WDR59: variants seen among roughly 807,000 people sequenced by gnomAD.
WDR59 encodes the protein GATOR2 complex protein WDR59.
WDR59 carries 100 observed loss-of-function variants against 131.2 expected under a neutral mutation model. The observed-to-expected ratio is 0.76, with a 90% CI of 0.65 to 0.90. The LOEUF is 0.90. Ranked by LOEUF, WDR59 falls within the 40% of genes least tolerant of loss-of-function variation. WDR59 has a pLI of 0.00. For missense variants in WDR59, 1,203 were observed against 1,262.2 expected (o/e 0.95, Z 0.71); for synonymous variants, 601 against 466.2 (o/e 1.29, Z -3.72).
rs982654677 is a variant in WDR59, at chr16:74,885,895, G to A, written c.2547-100C>T. On this transcript the variant is annotated intron_variant, in intron 24 of 25. Transcript: ENST00000262144. ...TACCCTTCTTAAAGCAACAGTCCTGGCCAGGCACGGTGGCTAACACCTGTC... is the reference window on the plus strand; with the variant it reads ...TACCCTTCTTAAAGCAACAGTCCTGACCAGGCACGGTGGCTAACACCTGTC... The A allele has an allele frequency of 2.1e-6, 3 of 1,423,886 alleles. No homozygotes were observed. The African/African-American group carries it at 4.3e-5, about 20-fold the overall frequency. 88.2% of individuals were successfully genotyped at this position (1,423,886 alleles called of 1,614,324 possible). A position where few individuals can be genotyped will look rare whatever the true frequency, so the allele number is the denominator to read the frequency against.
chr16:74,948,989 ACT>A (rs2032823399), intron 5 of WDR59, among the ~76,000 whole-genome samples: 1 of 151,942 alleles, frequency 6.6e-6, no homozygotes, highest in Non-Finnish European at 1.5e-5. Flanking sequence ...CAAGAGCAAA[ACT>A]CTGTCTCAGA....
At chr16:74,913,256 C>A (rs1450328206) in intron 13 of WDR59, among the ~76,000 whole-genome samples, 1 of 151,006 alleles carries the variant, frequency 6.6e-6, no homozygotes, top group Non-Finnish European at 1.5e-5. Flanking sequence ...CTGTTCCCAA[C>A]ACAAAGTATT....
chr16:74,883,322 C>T (rs1319210956), intron 25 of WDR59, among the ~76,000 whole-genome samples: 2 of 152,094 alleles, frequency 1.3e-5, no homozygotes, highest in Non-Finnish European at 2.9e-5. Flanking sequence ...CGTACCCGGC[C>T]ACACCCCGGT....
At chr16:74,958,592 CAAAAAAAAAAAAA>C (rs747175030) in intron 2 of WDR59, among the ~76,000 whole-genome samples, 18 of 13,242 alleles carry the variant, frequency 1.4e-3, no homozygotes, top group South Asian at 5.4e-3. Flanking sequence ...GACTCCATCT[CAAAAAAAAAAAAA>C]AAAAAAAAAA....
intron 18 of WDR59, among the ~76,000 whole-genome samples, chr16:74,903,343 A>T (rs183680600): frequency 1.3e-5 from 2 of 152,144 alleles, no homozygotes; most frequent in African/African-American, 4.8e-5. Context: ...CTTTCTCTAC[A>T]TGGTTGGCAC....
chr16:74,942,944 G>T (rs1197594888), intron 6 of WDR59, 118 bp from the exon 7 acceptor site: 9 of 844,784 alleles, frequency 1.1e-5, no homozygotes, highest in Non-Finnish European at 1.7e-5. Context: ...AACCCTTCAA[G>T]TTTCTGTGAC....
At chr16:74,953,274 C>T (rs2033105762) in intron 3 of WDR59, among the ~76,000 whole-genome samples, 1 of 151,940 alleles carries the variant, frequency 6.6e-6, no homozygotes, top group Non-Finnish European at 1.5e-5. Context: ...GAGTTAGAGA[C>T]CAGCCTGGCC....
At chr16:74,980,934 C>T (rs1052774336) in intron 1 of WDR59, among the ~76,000 whole-genome samples, 1 of 151,504 alleles carries the variant, frequency 6.6e-6, no homozygotes, top group African/African-American at 2.4e-5. Flanking sequence ...CACTGCACTC[C>T]AGCCTGGGCA....
intron 3 of WDR59, among the ~76,000 whole-genome samples, chr16:74,955,344 G>A (rs754455321): frequency 3.0e-4 from 46 of 152,044 alleles, no homozygotes; most frequent in Admixed American, 1.9e-3. Flanking sequence ...TTCCTGCAAC[G>A]CACAGGACAG....
At chr16:74,907,122 A>T (rs1009236601) in intron 17 of WDR59, among the ~76,000 whole-genome samples, 2 of 142,764 alleles carry the variant, frequency 1.4e-5, no homozygotes, top group African/African-American at 5.0e-5. Context: ...CCCAGTTCCC[A>T]TGGGGCCCAG....
At chr16:74,925,812 T>A (rs2030731944) in intron 8 of WDR59, among the ~76,000 whole-genome samples, 1 of 151,690 alleles carries the variant, frequency 6.6e-6, no homozygotes, top group Non-Finnish European at 1.5e-5. Context: ...GTGGATCACT[T>A]GAGGCCAGGA....
intron 6 of WDR59, among the ~76,000 whole-genome samples, chr16:74,945,813 A>G (rs1346556985): frequency 6.8e-6 from 1 of 147,926 alleles, no homozygotes; most frequent in East Asian, 2.0e-4. Flanking sequence ...ACATTCACAT[A>G]ACTTTTTTTT....
intron 18 of WDR59, among the ~76,000 whole-genome samples, chr16:74,897,460 T>C (rs1251133609): frequency 6.6e-6 from 1 of 152,204 alleles, no homozygotes; most frequent in South Asian, 2.1e-4. Context: ...CATCCATACT[T>C]GATGCAAATA....
intron 8 of WDR59, among the ~76,000 whole-genome samples, chr16:74,937,859 C>G (rs540517072): frequency 6.6e-6 from 1 of 152,162 alleles, no homozygotes; most frequent in East Asian, 1.9e-4. Flanking sequence ...AAGGGAAAGA[C>G]GAAAACCTTC....
chr16:74,877,772 T>C (rs1964285978), intron 25 of WDR59, among the ~76,000 whole-genome samples: 1 of 152,178 alleles, frequency 6.6e-6, no homozygotes, highest in African/African-American at 2.4e-5. Flanking sequence ...CTCGAACTCC[T>C]GACCTCAGGT....
intron 23 of WDR59, among the ~76,000 whole-genome samples, chr16:74,887,243 CT>C (rs398058373): frequency 4.2e-3 from 624 of 146,942 alleles, no homozygotes; most frequent in Non-Finnish European, 6.3e-3. Flanking sequence ...TTTTAAAAAC[CT>C]TTTTTTTTTT....
chr16:74,896,633 T>TTA (rs1965311941), intron 18 of WDR59, among the ~76,000 whole-genome samples: 1 of 138,842 alleles, frequency 7.2e-6, no homozygotes, highest in Non-Finnish European at 1.6e-5. Context: ...AGACCCTGCC[T>TTA]AAAAAAAAAA....
chr16:74,981,652 A>T (rs1479735856), intron 1 of WDR59, among the ~76,000 whole-genome samples: 3,480 of 7,642 alleles, frequency 0.46, 547 homozygotes, highest in Middle Eastern at 0.67. Flanking sequence ...ATATATATAT[A>T]TATATATATT....
At chr16:74,912,770 A>T (rs1966163193) in intron 13 of WDR59, among the ~76,000 whole-genome samples, 1 of 152,248 alleles carries the variant, frequency 6.6e-6, no homozygotes. Context: ...GTTTCTATAG[A>T]TTATAGATTA....
Sources: allele counts gnomAD v4.1 joint callset (sites outside exome capture counted in the v4.1 genomes callset), GRCh38; gene constraint gnomAD v4.1.1; transcripts MANE v1.5; gene names NCBI Gene and HGNC (gene_info 2026-07-23, HGNC 2026-07-21).